The following IL1RAPL1 variants were observed in gnomAD, a reference collection of about 807,000 sequenced individuals.
IL1RAPL1 encodes interleukin 1 receptor accessory protein like 1.
A neutral mutation model predicts 48.4 loss-of-function variants in IL1RAPL1; 3 were observed. That is an observed-to-expected ratio of 0.06 (90% CI 0.03 to 0.16). The LOEUF (loss-of-function observed/expected upper bound fraction) is 0.16. Among genes scored for constraint, IL1RAPL1 ranks in the 10% least tolerant of loss-of-function variants. IL1RAPL1 has a pLI of 1.00. For missense variants in IL1RAPL1, 349 were observed against 530.6 expected, an observed-to-expected ratio of 0.66 and a Z score of 3.36; for synonymous variants, 185 against 187.7, an observed-to-expected ratio of 0.99 and a Z score of 0.12.
chrX:29,720,503 A>G (rs993895515), intron 6 of IL1RAPL1, among the ~76,000 whole-genome samples: 2 of 111,538 alleles, frequency 1.8e-5, no homozygotes, highest in Non-Finnish European at 3.8e-5. Context: ...TAACACAGGA[A>G]CAGAAACCCA....
intron 1 of IL1RAPL1, among the ~76,000 whole-genome samples, chrX:28,623,754 A>G (rs757856115): frequency 1.8e-5 from 2 of 111,837 alleles, no homozygotes; most frequent in South Asian, 7.6e-4. Context: ...CTGTGTTCAG[A>G]CAAGTCCTGA....
At chrX:29,781,493 G>GA (rs747794279) in intron 6 of IL1RAPL1, among the ~76,000 whole-genome samples, 1 of 111,914 alleles carries the variant, frequency 8.9e-6, no homozygotes, top group South Asian at 3.8e-4. Flanking sequence ...GACTACAGTT[G>GA]AACAGTGGTA....
At chrX:28,852,868 T>C (rs1395228127) in intron 2 of IL1RAPL1, among the ~76,000 whole-genome samples, 1 of 97,152 alleles carries the variant, frequency 1.0e-5, no homozygotes, top group Admixed American at 1.2e-4. Flanking sequence ...TTAATCTCTT[T>C]GTGCTTTCCT....
intron 5 of IL1RAPL1, among the ~76,000 whole-genome samples, chrX:29,560,683 C>A (rs957831786): frequency 1.3e-4 from 15 of 112,011 alleles, no homozygotes; most frequent in African/African-American, 4.9e-4. Flanking sequence ...TCATTATATT[C>A]TTCAGCTCCA....
intron 8 of IL1RAPL1, among the ~76,000 whole-genome samples, chrX:29,930,510 G>A (rs1932934979): frequency 8.9e-6 from 1 of 111,796 alleles, no homozygotes; most frequent in African/African-American, 3.2e-5. Flanking sequence ...AGAAAGAGAT[G>A]CATTAAATAA....
intron 2 of IL1RAPL1, among the ~76,000 whole-genome samples, chrX:28,889,977 A>G (rs1295959421): frequency 9.0e-6 from 1 of 111,718 alleles, no homozygotes; most frequent in Admixed American, 9.6e-5. Context: ...AAATGTAGAC[A>G]GTGTTTTATT....
At chrX:28,755,243 G>A (rs745754891) in intron 1 of IL1RAPL1, among the ~76,000 whole-genome samples, 18 of 111,583 alleles carry the variant, frequency 1.6e-4, no homozygotes, top group Non-Finnish European at 3.0e-4. Context: ...TAATCCACCC[G>A]CCTTGGCCTC....
At chrX:28,971,830 G>A (rs1306438868) in intron 2 of IL1RAPL1, among the ~76,000 whole-genome samples, 2 of 109,026 alleles carry the variant, frequency 1.8e-5, no homozygotes, top group African/African-American at 6.7e-5. Context: ...GGTCATACAC[G>A]GGGCTGCCAA....
chrX:29,772,078 G>A (rs1929081156), intron 6 of IL1RAPL1, among the ~76,000 whole-genome samples: 1 of 109,501 alleles, frequency 9.1e-6, no homozygotes, highest in Admixed American at 9.8e-5. Flanking sequence ...GGGAATTATG[G>A]GAGCTACGAT....
At chrX:29,639,228 G>GT (rs1284890644) in intron 5 of IL1RAPL1, among the ~76,000 whole-genome samples, 6 of 109,193 alleles carry the variant, frequency 5.5e-5, no homozygotes, top group South Asian at 3.8e-4. Context: ...TTTTAGATTT[G>GT]TTTTTTTTGT....
intron 5 of IL1RAPL1, among the ~76,000 whole-genome samples, chrX:29,663,897 TA>T (rs1479168037): frequency 8.9e-6 from 1 of 112,414 alleles, no homozygotes; most frequent in Non-Finnish European, 1.9e-5. Flanking sequence ...CCGTCTACTA[TA>T]TGCAGGAACT....
chrX:28,893,636 G>A (rs1922830634), intron 2 of IL1RAPL1, among the ~76,000 whole-genome samples: 1 of 111,428 alleles, frequency 9.0e-6, no homozygotes, highest in African/African-American at 3.3e-5. Flanking sequence ...GTAGGGAAGG[G>A]AGGAGGCCTG....
chrX:29,711,069 T>TAGACACACACACAC (rs1555913970), intron 6 of IL1RAPL1, among the ~76,000 whole-genome samples: 2 of 86,449 alleles, frequency 2.3e-5, no homozygotes, highest in African/African-American at 8.4e-5. Flanking sequence ...TGTGTGTGTA[T>TAGACACACACACAC]ACACACACAC....
intron 2 of IL1RAPL1, among the ~76,000 whole-genome samples, chrX:29,247,683 G>A (rs1300958904): frequency 9.0e-6 from 1 of 111,532 alleles, no homozygotes; most frequent in Non-Finnish European, 1.9e-5. Flanking sequence ...TCAGGAGGCT[G>A]AGGCAGGAGA....
chrX:29,632,694 CTT>C (rs970797604), intron 5 of IL1RAPL1, among the ~76,000 whole-genome samples: 2 of 111,711 alleles, frequency 1.8e-5, no homozygotes, highest in African/African-American at 6.5e-5. Context: ...CGGTCAGTCA[CTT>C]CAGCAAATCT....
intron 2 of IL1RAPL1, among the ~76,000 whole-genome samples, chrX:29,129,456 AT>A (rs1928970757): frequency 9.0e-6 from 1 of 111,651 alleles, no homozygotes; most frequent in East Asian, 2.8e-4. Flanking sequence ...GTGTGGGAAA[AT>A]TTAAAAAACA....
intron 6 of IL1RAPL1, among the ~76,000 whole-genome samples, chrX:29,781,664 A>G (rs1318389132): frequency 3.6e-5 from 4 of 112,056 alleles, no homozygotes; most frequent in Non-Finnish European, 7.5e-5. Flanking sequence ...TCGAACTTCA[A>G]CATCCTTAAA....
intron 5 of IL1RAPL1, among the ~76,000 whole-genome samples, chrX:29,532,489 G>A (rs748967781): frequency 1.8e-5 from 2 of 111,457 alleles, no homozygotes; most frequent in Non-Finnish European, 3.8e-5. Flanking sequence ...ATTGATGCAG[G>A]TAGGGCCTCT....
At chrX:29,719,932 G>A (rs1366337504) in intron 6 of IL1RAPL1, among the ~76,000 whole-genome samples, 1 of 110,407 alleles carries the variant, frequency 9.1e-6, no homozygotes, top group East Asian at 2.8e-4. Context: ...AGGCACAGTT[G>A]GCTTAACCTT....
Sources: gnomAD v4.1 joint callset for allele counts (sites outside exome capture counted in the v4.1 genomes callset) on GRCh38, gnomAD v4.1.1 for gene constraint, MANE v1.5 for transcripts, NCBI Gene and HGNC (gene_info 2026-07-23, HGNC 2026-07-21) for gene names.